Variants in CCR5AS observed in about 807,000 individuals in gnomAD.
CCR5AS encodes the protein CCR5 antisense RNA.
intron 1 of CCR5AS, among the ~76,000 whole-genome samples, chr3:46,404,379 G>A (rs1262726369): frequency 7.3e-6 from 1 of 136,504 alleles, no homozygotes; most frequent in Non-Finnish European, 1.5e-5. Context: ...CTGTCACCCA[G>A]GCCGGAGTGC....
intron 2 of CCR5AS, among the ~76,000 whole-genome samples, chr3:46,378,838 G>A (rs1375361967): frequency 6.6e-6 from 1 of 152,146 alleles, no homozygotes; most frequent in Non-Finnish European, 1.5e-5. Context: ...CTGCTCTCAT[G>A]AGCTTGCAAC....
At chr3:46,376,553 G>A (rs1192111980) in intron 2 of CCR5AS, among the ~76,000 whole-genome samples, 1 of 152,186 alleles carries the variant, frequency 6.6e-6, no homozygotes, top group Non-Finnish European at 1.5e-5. Context: ...GGTGCCATAA[G>A]TTAGTTGTCT....
chr3:46,368,788 G>A (rs142620835), intron 3 of CCR5AS, among the ~76,000 whole-genome samples: 175 of 152,294 alleles, frequency 1.1e-3, no homozygotes, highest in Non-Finnish European at 1.5e-3. Flanking sequence ...TGCTCCGCTA[G>A]CCCACATTGC....
chr3:46,369,331 G>T (rs898389848), intron 3 of CCR5AS, among the ~76,000 whole-genome samples: 3 of 151,470 alleles, frequency 2.0e-5, no homozygotes, highest in African/African-American at 7.3e-5. Flanking sequence ...AATGCCTTTT[G>T]AATTGCACAT....
chr3:46,397,229 A>G (rs1278731845), intron 1 of CCR5AS, among the ~76,000 whole-genome samples: 1 of 151,926 alleles, frequency 6.6e-6, no homozygotes, highest in Non-Finnish European at 1.5e-5. Flanking sequence ...AGCTTGGCAC[A>G]TGACTCCCTG....
intron 1 of CCR5AS, among the ~76,000 whole-genome samples, chr3:46,394,744 T>C (rs1260136041): frequency 2.0e-5 from 3 of 151,818 alleles, no homozygotes; most frequent in Admixed American, 6.6e-5. Context: ...GTGGAAACGG[T>C]GTGTGAGAAA....
At chr3:46,386,601 G>A (rs992797619) in intron 2 of CCR5AS, among the ~76,000 whole-genome samples, 1 of 152,176 alleles carries the variant, frequency 6.6e-6, no homozygotes, top group African/African-American at 2.4e-5. Flanking sequence ...GGTGGGACAG[G>A]GGGAAAGGAA....
chr3:46,403,401 G>A (rs1056578900), intron 1 of CCR5AS, among the ~76,000 whole-genome samples: 2 of 152,174 alleles, frequency 1.3e-5, no homozygotes, highest in South Asian at 2.1e-4. Context: ...TCAGCATACA[G>A]TCAAGACAGA....
At chr3:46,393,737 C>T (rs148335614) in intron 1 of CCR5AS, among the ~76,000 whole-genome samples, 1,861 of 152,308 alleles carry the variant, frequency 0.012, 41 homozygotes, top group African/African-American at 0.042. Flanking sequence ...TAGAGTGACA[C>T]GTGCTCCAGA....
intron 3 of CCR5AS, among the ~76,000 whole-genome samples, chr3:46,365,853 C>G (rs1701593772): frequency 6.6e-6 from 1 of 152,190 alleles, no homozygotes; most frequent in Admixed American, 6.5e-5. Flanking sequence ...CAGGGGCACT[C>G]TTGATCCTTG....
chr3:46,389,644 G>T (rs1165854062), intron 2 of CCR5AS, among the ~76,000 whole-genome samples: 2 of 152,182 alleles, frequency 1.3e-5, no homozygotes, highest in Admixed American at 6.5e-5. Context: ...GTGCTAGTGT[G>T]GGAGCTGTCT....
rs145061115 is a variant in CCR5AS at position 46,372,960 on chromosome 3, T to A, written n.392-1543A>T. 434 of 1,612,830 alleles carry A rather than the reference T, an allele frequency of 2.7e-4. 1 individual carries two copies. The Middle Eastern group carries it at 3.1e-3, about 12-fold the overall frequency. On this transcript the variant is annotated intron_variant and non_coding_transcript_variant, in intron 2 of 3. Transcript: ENST00000451485. Reference sequence around the variant, plus strand: ...CATCAATTATTATACATCGGAGCCCTGCCAAAAAATCAATGTGAAGCAAAT... The same window carrying A: ...CATCAATTATTATACATCGGAGCCCAGCCAAAAAATCAATGTGAAGCAAAT...
intron 2 of CCR5AS, among the ~76,000 whole-genome samples, chr3:46,392,227 C>T (rs1307758106): frequency 1.3e-5 from 2 of 152,192 alleles, no homozygotes; most frequent in African/African-American, 4.8e-5. Context: ...CTACCCACTC[C>T]ACATTACCTT....
At chr3:46,373,519 C>T (rs113552054) in intron 2 of CCR5AS, 17 of 1,613,118 alleles carry the variant, frequency 1.1e-5, no homozygotes, top group Middle Eastern at 1.6e-4. Context: ...CTGGTCCTGC[C>T]GCTGCTTGTC....
intron 2 of CCR5AS, among the ~76,000 whole-genome samples, chr3:46,376,510 CAAAAGAATTGCCATGTTTTAA>C (rs1311509276): frequency 6.6e-6 from 1 of 152,262 alleles, no homozygotes; most frequent in East Asian, 1.9e-4. Flanking sequence ...TTCCACTACT[CAAAAGAATTGCCATGTTTTAA>C]AAAAGAGAAT....
At chr3:46,406,263 T>C (rs1702045881) in intron 1 of CCR5AS, among the ~76,000 whole-genome samples, 1 of 152,188 alleles carries the variant, frequency 6.6e-6, no homozygotes, top group Non-Finnish European at 1.5e-5. Context: ...GAAAAGGATG[T>C]CATTTAATCA....
chr3:46,373,534 T>C, intron 2 of CCR5AS: 1 of 1,613,354 alleles, frequency 6.2e-7, no homozygotes, highest in Non-Finnish European at 8.5e-7. Context: ...CTTGTCATGG[T>C]CATCTGCTAC....
At chr3:46,365,031 C>T (rs537998975) in exon 4 of CCR5AS, 1 of 157,386 alleles carries the variant, frequency 6.4e-6, no homozygotes, top group Middle Eastern at 3.0e-3. Context: ...ATGGAATCTC[C>T]TCCTGGTGAA....
intron 1 of CCR5AS, among the ~76,000 whole-genome samples, chr3:46,394,596 C>T (rs1372429710): frequency 2.6e-5 from 4 of 152,160 alleles, no homozygotes; most frequent in Non-Finnish European, 5.9e-5. Context: ...TCTCACATCC[C>T]CCAGCCAGCG....
Sources: gnomAD v4.1 joint callset for allele counts (sites outside exome capture counted in the v4.1 genomes callset) on GRCh38, gnomAD v4.1.1 for gene constraint, MANE v1.5 for transcripts, NCBI Gene and HGNC (gene_info 2026-07-23, HGNC 2026-07-21) for gene names.